FBXO21: variants seen among roughly 807,000 people sequenced by gnomAD.
FBXO21 encodes the protein F-box only protein 21.
FBXO21 carries 32 observed loss-of-function variants against 76.6 expected under a neutral mutation model. The observed-to-expected ratio is 0.42, with a 90% CI of 0.32 to 0.56. The LOEUF is 0.56. Among genes scored for constraint, FBXO21 ranks in the 20% least tolerant of loss-of-function variants. FBXO21 has a pLI of 0.16. For synonymous variants in FBXO21, 328 were observed against 311.5 expected (o/e 1.05, Z -0.56); for missense variants, 586 against 797.3 (o/e 0.73, Z 3.19).
At chr12:117,175,262 A>G (rs2135875523) in intron 4 of FBXO21, among the ~76,000 whole-genome samples, 1 of 152,344 alleles carries the variant, frequency 6.6e-6, no homozygotes, top group South Asian at 2.1e-4. Flanking sequence ...CCATTTCAAC[A>G]AATTACACAT....
At chr12:117,163,032 C>A (rs1956002253) in intron 9 of FBXO21, among the ~76,000 whole-genome samples, 1 of 152,194 alleles carries the variant, frequency 6.6e-6, no homozygotes, top group Non-Finnish European at 1.5e-5. Context: ...TTGGCTGTCT[C>A]AGGGGCCCTA....
At chr12:117,182,774 G>T (rs1956247827) in intron 3 of FBXO21, among the ~76,000 whole-genome samples, 1 of 151,712 alleles carries the variant, frequency 6.6e-6, no homozygotes, top group African/African-American at 2.4e-5. Flanking sequence ...TGTTGGACAG[G>T]CTGGTCTTGA....
intron 11 of FBXO21, chr12:117,154,341 C>T (rs1033666001): frequency 3.3e-5 from 5 of 152,204 alleles, no homozygotes; most frequent in African/African-American, 1.2e-4. Flanking sequence ...TGCTGCTGTT[C>T]CAGGGGATCC....
At chr12:117,157,283 A>T (rs1955927832) in intron 10 of FBXO21, among the ~76,000 whole-genome samples, 2 of 152,246 alleles carry the variant, frequency 1.3e-5, no homozygotes, top group African/African-American at 4.8e-5. Context: ...AATATATGAA[A>T]AGAACCTTAA....
chr12:117,155,433 G>C (rs750525996), intron 11 of FBXO21: 16 of 235,546 alleles, frequency 6.8e-5, no homozygotes, highest in Non-Finnish European at 1.2e-4. Flanking sequence ...GGGAGCACTA[G>C]GGGGCCCCCA....
At chr12:117,185,894 C>T (rs1429271042) in intron 3 of FBXO21, among the ~76,000 whole-genome samples, 3 of 152,014 alleles carry the variant, frequency 2.0e-5, no homozygotes, top group African/African-American at 7.3e-5. Flanking sequence ...TTTTATGAGA[C>T]GAAGTCTTGC....
chr12:117,171,200 C>A (rs1956114926), intron 7 of FBXO21, among the ~76,000 whole-genome samples: 1 of 151,430 alleles, frequency 6.6e-6, no homozygotes, highest in Admixed American at 6.6e-5. Flanking sequence ...CCCGTCTCTA[C>A]AAAAAAATTA....
rs1955841910 is a variant in FBXO21 at position 117,151,453 on chromosome 12, T to C, written c.1675+4338A>G. Among the ~76,000 whole-genome samples, 3 of 152,212 alleles carry C rather than the reference T, an allele frequency of 2.0e-5. No homozygotes were observed. The South Asian group carries it at 6.2e-4, about 31-fold the overall frequency. On this transcript the variant is annotated intron_variant, in intron 11 of 11. Transcript: ENST00000622495. ...TTCTAATTCACTCTTCAACTCTCCG[T>C]GCAGAGCTAGTAATTAGAAAAGCAT...
At position 117,145,153 on chromosome 12, in the gene FBXO21, G is replaced by C. The variant is rs1955754740; in HGVS notation, c.*934C>G. ...CATTTTTTGGTCTTTGAAGACCATG[G>C]AGTATGACTTCTAAGAGCAAACATT... On this transcript the variant is annotated 3_prime_UTR_variant, in exon 12 of 12. Transcript: ENST00000622495. 6.7e-6 allele frequency: 1 copy of C among 149,910 alleles called. No individual in the cohort carries two copies. The highest frequency in any genetic ancestry group is 1.5e-5 in the Non-Finnish European group (1 of 67,802). The allele number at this position is 149,910 out of a possible 1,614,324, so 9.3% of individuals were successfully genotyped here.
chr12:117,166,152 T>C (rs193295493), intron 8 of FBXO21, among the ~76,000 whole-genome samples: 1 of 149,690 alleles, frequency 6.7e-6, no homozygotes, highest in Non-Finnish European at 1.5e-5. Flanking sequence ...ATCACGCCAT[T>C]GCACTCCAGT....
intron 9 of FBXO21, among the ~76,000 whole-genome samples, chr12:117,161,350 C>T (rs574282030): frequency 2.0e-5 from 3 of 151,964 alleles, no homozygotes; most frequent in Admixed American, 1.3e-4. Flanking sequence ...AGGAACTCCA[C>T]GGGAGGTGGG....
intron 2 of FBXO21, among the ~76,000 whole-genome samples, chr12:117,188,194 A>G (rs1312479765): frequency 2.0e-5 from 3 of 152,258 alleles, no homozygotes; most frequent in African/African-American, 7.2e-5. Context: ...GTTGAACTCA[A>G]AACATTAGTG....
In FBXO21 at chr12:117,174,559, C is replaced by T; in HGVS notation, c.739+92G>A. 3 of 1,448,522 alleles carry T rather than the reference C, an allele frequency of 2.1e-6. No homozygotes were observed. The South Asian group carries it at 3.8e-5, about 18-fold the overall frequency. 89.7% of individuals were successfully genotyped at this position (1,448,522 alleles called of 1,614,324 possible). A position where few individuals can be genotyped will look rare whatever the true frequency, so the allele number is the denominator to read the frequency against. On this transcript the variant is annotated intron_variant, in intron 5 of 11. Transcript: ENST00000622495. ...ACGTCATTTTATCACTTTTTCATGA[C>T]ATAATGGCAGCACACTAACAAATCT...
At chr12:117,159,851 G>C (rs1196924151) in intron 9 of FBXO21, among the ~76,000 whole-genome samples, 1 of 152,234 alleles carries the variant, frequency 6.6e-6, no homozygotes, top group African/African-American at 2.4e-5. Flanking sequence ...AGGAAGTCTA[G>C]ATAAGGTCAA....
intron 6 of FBXO21, among the ~76,000 whole-genome samples, chr12:117,173,212 G>A (rs964714278): frequency 6.6e-6 from 1 of 152,052 alleles, no homozygotes; most frequent in African/African-American, 2.4e-5. Flanking sequence ...TGCATTTTTA[G>A]TAGAAACAGG....
chr12:117,156,838 GAAGAAC>G (rs563174485), intron 10 of FBXO21, among the ~76,000 whole-genome samples: 1 of 152,178 alleles, frequency 6.6e-6, no homozygotes, highest in Non-Finnish European at 1.5e-5. Flanking sequence ...CTGATACACA[GAAGAAC>G]AACTACATAT....
chr12:117,175,575 C>T (rs943815132), intron 4 of FBXO21, among the ~76,000 whole-genome samples: 1 of 152,230 alleles, frequency 6.6e-6, no homozygotes, highest in Non-Finnish European at 1.5e-5. Flanking sequence ...AGCAGTTGAA[C>T]GGGTGTCAAG....
chr12:117,185,098 C>T lies in FBXO21; in HGVS notation c.470+1379G>A, dbSNP rs151156334. Among the ~76,000 whole-genome samples the T allele has an allele frequency of 1.9e-3, 292 of 152,210 alleles. 2 individuals are homozygous for T. The highest frequency in any genetic ancestry group is 6.8e-3 in the Middle Eastern group (2 of 294). On this transcript the variant is annotated intron_variant, in intron 3 of 11. Coordinates refer to ENST00000622495, the MANE Select transcript of FBXO21 (RefSeq NM_015002.3). Reference sequence around the variant, plus strand: ...GTCTGTACTAAACACCAAACCAAAACAACCAACAAAGTAGGTATGAGGTCC... The same window carrying T: ...GTCTGTACTAAACACCAAACCAAAATAACCAACAAAGTAGGTATGAGGTCC...
chr12:117,166,767 C>G, intron 8 of FBXO21, 131 bp downstream of exon 8: 2 of 681,034 alleles, frequency 2.9e-6, no homozygotes, highest in South Asian at 4.1e-5. Context: ...GTTTCCAGTA[C>G]TCGCAAAGAG....
Sources: gnomAD v4.1 joint callset for allele counts (sites outside exome capture counted in the v4.1 genomes callset) on GRCh38, gnomAD v4.1.1 for gene constraint, MANE v1.5 for transcripts, NCBI Gene and HGNC (gene_info 2026-07-23, HGNC 2026-07-21) for gene names.